MACROD2: variants seen among roughly 807,000 people sequenced by gnomAD.
MACROD2 encodes the protein mono-ADP ribosylhydrolase 2, also known as ADP-ribose glycohydrolase MACROD2.
A neutral mutation model predicts 70.4 loss-of-function variants in MACROD2; 36 were observed. The observed-to-expected ratio is 0.51, with a 90% CI of 0.39 to 0.68. MACROD2 has a LOEUF of 0.68. Among genes scored for constraint, MACROD2 ranks in the 30% least tolerant of loss-of-function variants. The pLI, the probability that MACROD2 is intolerant of heterozygous loss-of-function variation, is 0.00. For missense variants in MACROD2, 496 were observed against 538.4 expected, an observed-to-expected ratio of 0.92 and a Z score of 0.78; for synonymous variants, 172 against 178.8, an observed-to-expected ratio of 0.96 and a Z score of 0.30.
intron 10 of MACROD2, among the ~76,000 whole-genome samples, chr20:15,922,749 G>A (rs1406370591): frequency 6.6e-6 from 1 of 152,212 alleles, no homozygotes; most frequent in Non-Finnish European, 1.5e-5. Flanking sequence ...ACTGGGTCTT[G>A]TATTCACTCA....
At chr20:15,407,844 A>G (rs963383182) in intron 6 of MACROD2, among the ~76,000 whole-genome samples, 1 of 152,238 alleles carries the variant, frequency 6.6e-6, no homozygotes, top group African/African-American at 2.4e-5. Context: ...CTGGGGAAGA[A>G]GTTTACAGAT....
At chr20:16,025,504 C>T (rs1436235722) in intron 15 of MACROD2, among the ~76,000 whole-genome samples, 1 of 152,180 alleles carries the variant, frequency 6.6e-6, no homozygotes, top group Non-Finnish European at 1.5e-5. Flanking sequence ...AGGAAAAGGC[C>T]AGTTAAGATG....
At chr20:15,472,701 A>G (rs965072367) in intron 7 of MACROD2, among the ~76,000 whole-genome samples, 3 of 151,742 alleles carry the variant, frequency 2.0e-5, no homozygotes, top group African/African-American at 7.3e-5. Context: ...AGTTTATTCT[A>G]TTTCCTATCA....
chr20:15,075,364 G>A (rs540837938), intron 5 of MACROD2, among the ~76,000 whole-genome samples: 3 of 152,082 alleles, frequency 2.0e-5, no homozygotes, highest in Admixed American at 1.3e-4. Flanking sequence ...AAAACTAAAG[G>A]CATTTAATGT....
At chr20:15,422,859 G>A (rs1002304103) in intron 6 of MACROD2, among the ~76,000 whole-genome samples, 5 of 152,200 alleles carry the variant, frequency 3.3e-5, no homozygotes, top group African/African-American at 1.2e-4. Flanking sequence ...GGGATATACT[G>A]TTGGCTCCCA....
chr20:15,870,722 A>G (rs1309114379), intron 9 of MACROD2, among the ~76,000 whole-genome samples: 2 of 152,156 alleles, frequency 1.3e-5, no homozygotes, highest in Non-Finnish European at 2.9e-5. Flanking sequence ...TTCATTACGT[A>G]TTACCTAGTC....
At chr20:15,240,560 T>C (rs1312527788) in intron 6 of MACROD2, among the ~76,000 whole-genome samples, 1 of 151,772 alleles carries the variant, frequency 6.6e-6, no homozygotes, top group African/African-American at 2.4e-5. Flanking sequence ...AGATACCCAG[T>C]CTAAAAAGAA....
At chr20:15,901,964 T>G (rs896098864) in intron 10 of MACROD2, among the ~76,000 whole-genome samples, 55 of 152,340 alleles carry the variant, frequency 3.6e-4, no homozygotes, top group Middle Eastern at 3.4e-3. Context: ...TGTAGTCTTC[T>G]TTCCCTGATA....
chr20:14,690,499 A>G (rs1177778794), intron 5 of MACROD2, among the ~76,000 whole-genome samples: 2 of 152,250 alleles, frequency 1.3e-5, no homozygotes, highest in Non-Finnish European at 2.9e-5. Flanking sequence ...TCAAGAAATC[A>G]TAGTACTTTG....
intron 4 of MACROD2, among the ~76,000 whole-genome samples, chr20:14,576,418 C>A (rs1021410528): frequency 6.6e-6 from 1 of 152,178 alleles, no homozygotes; most frequent in African/African-American, 2.4e-5. Context: ...TTATGTGAGC[C>A]TGGTTCCCTT....
chr20:16,046,003 G>T (rs201818687), intron 17 of MACROD2, among the ~76,000 whole-genome samples: 1 of 149,618 alleles, frequency 6.7e-6, no homozygotes, highest in East Asian at 2.0e-4. Context: ...AAAAAAAAAA[G>T]AAAAAAACCT....
chr20:15,623,586 T>C (rs1233582204), intron 8 of MACROD2, among the ~76,000 whole-genome samples: 1 of 152,148 alleles, frequency 6.6e-6, no homozygotes, highest in Non-Finnish European at 1.5e-5. Context: ...TTCACAGATA[T>C]GGGGACGCTA....
chr20:14,988,343 A>G (rs549461791), intron 5 of MACROD2, among the ~76,000 whole-genome samples: 23 of 124,318 alleles, frequency 1.9e-4, no homozygotes, highest in African/African-American at 6.9e-4. Context: ...CAGCCAGAGA[A>G]TGAGACTCTG....
chr20:14,255,698 TAAA>T (rs1414684764), intron 3 of MACROD2, among the ~76,000 whole-genome samples: 4 of 79,246 alleles, frequency 5.0e-5, no homozygotes, highest in Non-Finnish European at 7.4e-5. Context: ...AATAAATAAA[TAAA>T]TAAATAAATA....
chr20:14,765,817 G>C (rs2072080509), intron 5 of MACROD2, among the ~76,000 whole-genome samples: 1 of 152,060 alleles, frequency 6.6e-6, no homozygotes, highest in Non-Finnish European at 1.5e-5. Flanking sequence ...ACTATTGCGT[G>C]GAGGCTCCTG....
intron 3 of MACROD2, among the ~76,000 whole-genome samples, chr20:14,424,592 AT>A (rs1187133466): frequency 6.6e-6 from 1 of 152,198 alleles, no homozygotes; most frequent in Non-Finnish European, 1.5e-5. Context: ...GTTAATGACA[AT>A]TTGTGTACTG....
At position 15,946,880 on chromosome 20, in the gene MACROD2, C is replaced by T. The variant is rs560455581; in HGVS notation, c.907+9336C>T. ...TTCCACCATCTCAGCAAGAGGAATG[C>T]GGCAGGAGAGCAGGGTGATAGTGGG... On this transcript the variant is annotated intron_variant, in intron 12 of 17. Coordinates refer to ENST00000684519, the MANE Select transcript of MACROD2 (RefSeq NM_001351661.2). Among the ~76,000 whole-genome samples, 72 of 152,172 alleles carry T rather than the reference C, an allele frequency of 4.7e-4. No homozygotes were observed. The East Asian group carries it at 4.8e-3, about 10-fold the overall frequency.
intron 8 of MACROD2, among the ~76,000 whole-genome samples, chr20:15,668,934 AAAG>A (rs2049939926): frequency 1.3e-5 from 2 of 152,328 alleles, no homozygotes; most frequent in South Asian, 4.1e-4. Flanking sequence ...ATGCTTACAG[AAAG>A]AAGGTGTATT....
At chr20:15,817,653 G>C (rs2063891545) in intron 8 of MACROD2, among the ~76,000 whole-genome samples, 1 of 151,870 alleles carries the variant, frequency 6.6e-6, no homozygotes, top group African/African-American at 2.4e-5. Flanking sequence ...TTAATCCCTG[G>C]TGCCAGTATC....
Sources: allele counts gnomAD v4.1 joint callset (sites outside exome capture counted in the v4.1 genomes callset), GRCh38; gene constraint gnomAD v4.1.1; transcripts MANE v1.5; gene names NCBI Gene and HGNC (gene_info 2026-07-23, HGNC 2026-07-21).